Variants in RCSD1 observed in about 807,000 individuals in gnomAD.
RCSD1 encodes capZ-interacting protein.
Under a neutral mutation model 42.5 loss-of-function variants are expected in RCSD1, and 26 were observed. That is an observed-to-expected ratio of 0.61 (90% CI 0.45 to 0.85). RCSD1 has a LOEUF of 0.85. Among genes scored for constraint, RCSD1 ranks in the 40% least tolerant of loss-of-function variants. The pLI, the probability that RCSD1 is intolerant of heterozygous loss-of-function variation, is 0.00. For synonymous variants in RCSD1, 220 were observed against 212.2 expected, an observed-to-expected ratio of 1.04 and a Z score of -0.32; for missense variants, 571 against 528.3, an observed-to-expected ratio of 1.08 and a Z score of -0.79.
chr1:167,660,571 C>T (rs1658519313), intron 1 of RCSD1, among the ~76,000 whole-genome samples: 1 of 151,884 alleles, frequency 6.6e-6, no homozygotes, highest in African/African-American at 2.4e-5. Context: ...AAGTGATCTT[C>T]CCACCTCAGC....
intron 5 of RCSD1, among the ~76,000 whole-genome samples, chr1:167,696,870 T>A (rs1217281176): frequency 6.6e-6 from 1 of 152,206 alleles, no homozygotes; most frequent in Admixed American, 6.5e-5. Flanking sequence ...TGGAAAGCAT[T>A]TGCATCTTCA....
At chr1:167,690,473 A>C (rs1659348485) in intron 4 of RCSD1, among the ~76,000 whole-genome samples, 1 of 152,196 alleles carries the variant, frequency 6.6e-6, no homozygotes, top group South Asian at 2.1e-4. Flanking sequence ...CAGGAGTTCA[A>C]GACCAGACTG....
At chr1:167,630,788 G>C in intron 1 of RCSD1, 1 of 185,544 alleles carries the variant, frequency 5.4e-6, no homozygotes, top group Middle Eastern at 2.0e-3. Context: ...ATGGGTAAAC[G>C]TGTCAGCAAA....
chr1:167,637,642 C>T (rs1571666678), intron 1 of RCSD1, among the ~76,000 whole-genome samples: 1 of 152,138 alleles, frequency 6.6e-6, no homozygotes, highest in African/African-American at 2.4e-5. Context: ...GGCTCCAGGT[C>T]CCGAGGGAAT....
chr1:167,689,799 C>T (rs368432773), intron 3 of RCSD1, among the ~76,000 whole-genome samples: 12 of 152,268 alleles, frequency 7.9e-5, no homozygotes, highest in Middle Eastern at 6.8e-3. Context: ...CTGGGAGAGA[C>T]CTTCTGTGTT....
chr1:167,645,392 C>T (rs553284379), intron 1 of RCSD1, among the ~76,000 whole-genome samples: 1 of 152,266 alleles, frequency 6.6e-6, no homozygotes, highest in Non-Finnish European at 1.5e-5. Flanking sequence ...AAGACAGTAT[C>T]TCAATAAGCT....
chr1:167,653,495 T>C (rs1383543326), intron 1 of RCSD1, among the ~76,000 whole-genome samples: 1 of 152,210 alleles, frequency 6.6e-6, no homozygotes, highest in African/African-American at 2.4e-5. Flanking sequence ...GCCTAGGCAT[T>C]GTAGCCCAGT....
At chr1:167,665,152 A>G (rs770798448) in intron 1 of RCSD1, 21 of 152,110 alleles carry the variant, frequency 1.4e-4, no homozygotes, top group African/African-American at 4.8e-4. Flanking sequence ...CCACGCAATC[A>G]GTGATCTTCT....
At chr1:167,649,436 C>T (rs1237874335) in intron 1 of RCSD1, among the ~76,000 whole-genome samples, 4 of 152,320 alleles carry the variant, frequency 2.6e-5, no homozygotes, top group South Asian at 2.1e-4. Context: ...TCGCCTAAAA[C>T]GGAATATGTA....
intron 6 of RCSD1, among the ~76,000 whole-genome samples, chr1:167,701,272 C>CTTTCT (rs1659633101): frequency 7.2e-6 from 1 of 138,134 alleles, no homozygotes; most frequent in East Asian, 2.1e-4. Context: ...TTCTTTCTTT[C>CTTTCT]TTTCTTTCTT....
chr1:167,653,689 T>C (rs1159684070), intron 1 of RCSD1, among the ~76,000 whole-genome samples: 2 of 152,188 alleles, frequency 1.3e-5, no homozygotes, highest in African/African-American at 4.8e-5. Flanking sequence ...CAGTTCAATG[T>C]AGCAAGATAA....
At chr1:167,690,219 T>C (rs1216044478) in intron 4 of RCSD1, 99 bp downstream of exon 4, 18 of 1,046,340 alleles carry the variant, frequency 1.7e-5, no homozygotes, top group Non-Finnish European at 2.5e-5. Flanking sequence ...AGCCTATGTG[T>C]CACCTGCATA....
intron 1 of RCSD1, among the ~76,000 whole-genome samples, chr1:167,652,314 G>T (rs116700077): frequency 6.6e-6 from 1 of 152,132 alleles, no homozygotes; most frequent in South Asian, 2.1e-4. Context: ...GAGCCACCAC[G>T]CTTGGCCTCT....
At chr1:167,660,232 G>A (rs1658509938) in intron 1 of RCSD1, among the ~76,000 whole-genome samples, 4 of 152,132 alleles carry the variant, frequency 2.6e-5, no homozygotes. Context: ...TGCTTACAGA[G>A]GTTGTTACTT....
Position 167,638,993 on chromosome 1 carries a change from G to A in RCSD1, c.6+8564G>A, listed in dbSNP as rs111539981. ...AGCTCTTTGGGAGGGCAAGGAGGGC[G>A]GATCACGAGGTCAGGAGATTGAGAC... On this transcript the variant is annotated intron_variant, in intron 1 of 6. Transcript: ENST00000367854. Among the ~76,000 whole-genome samples, 293 of 152,260 alleles carry A rather than the reference G, an allele frequency of 1.9e-3. 1 individual carries two copies. Among genetic ancestry groups the A allele is most frequent in the African/African-American group, 6.5e-3 (270 of 41,560 alleles).
At position 167,688,323 on chromosome 1, in the gene RCSD1, T is replaced by C. The variant is rs573713720; in HGVS notation, c.199-1726T>C. Among the ~76,000 whole-genome samples, 4 of 152,230 alleles carry C rather than the reference T, an allele frequency of 2.6e-5. No individual in the cohort carries two copies. In the South Asian group the frequency reaches 8.3e-4, roughly 32 times the overall value. On this transcript the variant is annotated intron_variant, in intron 3 of 6. Coordinates refer to ENST00000367854, the MANE Select transcript of RCSD1 (RefSeq NM_052862.4). ...CATGAAGTGAGCTTTATCAGCAAAA[T>C]TGTTGCTGCAGTTTCTAAAAGTTTC...
chr1:167,667,200 C>A (rs1658681375), intron 1 of RCSD1, among the ~76,000 whole-genome samples: 1 of 152,118 alleles, frequency 6.6e-6, no homozygotes, highest in African/African-American at 2.4e-5. Flanking sequence ...TGGATGGAGC[C>A]CTCTTGATAT....
At chr1:167,678,871 G>A (rs1659012934) in intron 1 of RCSD1, among the ~76,000 whole-genome samples, 1 of 152,144 alleles carries the variant, frequency 6.6e-6, no homozygotes, top group Admixed American at 6.5e-5. Context: ...CTTCTGCTCA[G>A]AACAATTTTC....
intron 1 of RCSD1, among the ~76,000 whole-genome samples, chr1:167,660,264 A>G (rs1021792332): frequency 6.6e-6 from 1 of 152,192 alleles, no homozygotes; most frequent in African/African-American, 2.4e-5. Flanking sequence ...CATAAGGAAC[A>G]GAGTGGAGAT....
Sources: allele counts gnomAD v4.1 joint callset (sites outside exome capture counted in the v4.1 genomes callset), GRCh38; gene constraint gnomAD v4.1.1; transcripts MANE v1.5; gene names NCBI Gene and HGNC (gene_info 2026-07-23, HGNC 2026-07-21).